The following PAM variants were observed in gnomAD, a reference collection of about 807,000 sequenced individuals.
The protein encoded by PAM is peptidylglycine alpha-amidating monooxygenase, also known as peptidyl-glycine alpha-amidating monooxygenase.
In PAM, 72 loss-of-function variants were observed where a neutral mutation model predicts 122.1. The observed-to-expected ratio is 0.59, with a 90% CI of 0.49 to 0.72. PAM has a LOEUF of 0.72. Ranked by LOEUF, PAM falls within the 30% of genes least tolerant of loss-of-function variation. The pLI, the probability that PAM is intolerant of heterozygous loss-of-function variation, is 0.00. For missense variants in PAM, 1,106 were observed against 1,183.7 expected (o/e 0.93, Z 0.96); for synonymous variants, 389 against 404.4 (o/e 0.96, Z 0.46).
intron 14 of PAM, among the ~76,000 whole-genome samples, chr5:102,970,086 T>C (rs1194794492): frequency 6.6e-6 from 1 of 152,046 alleles, no homozygotes; most frequent in African/African-American, 2.4e-5. Context: ...TCTATTAGCA[T>C]TGGCAATTAG....
chr5:102,969,656 A>T (rs1765235236), intron 14 of PAM, among the ~76,000 whole-genome samples: 2 of 152,236 alleles, frequency 1.3e-5, no homozygotes, highest in African/African-American at 4.8e-5. Context: ...AAAAAGTGTC[A>T]TCACTAAGAG....
chr5:103,007,700 C>A, intron 20 of PAM, 43 bp downstream of exon 20: 2 of 1,234,820 alleles, frequency 1.6e-6, no homozygotes. Flanking sequence ...TCCTACTGTA[C>A]TCTATCCTTA....
intron 15 of PAM, among the ~76,000 whole-genome samples, chr5:102,981,540 A>C (rs538622170): frequency 2.7e-5 from 4 of 150,532 alleles, no homozygotes; most frequent in Non-Finnish European, 5.9e-5. Context: ...TAGAGACTAA[A>C]ACATAGACTT....
intron 1 of PAM, among the ~76,000 whole-genome samples, chr5:102,816,781 C>A (rs1336215999): frequency 6.6e-6 from 1 of 152,120 alleles, no homozygotes; most frequent in Non-Finnish European, 1.5e-5. Context: ...AAAACTCACT[C>A]TCTTCATGAT....
chr5:102,924,441 A>AC (rs1411133340), intron 5 of PAM, among the ~76,000 whole-genome samples: 1 of 151,832 alleles, frequency 6.6e-6, no homozygotes, highest in African/African-American at 2.4e-5. Context: ...CTCAAAAAAA[A>AC]AAAAAAAAAA....
chr5:102,797,887 T>A (rs898722258), intron 1 of PAM, among the ~76,000 whole-genome samples: 6 of 152,198 alleles, frequency 3.9e-5, no homozygotes, highest in African/African-American at 1.4e-4. Context: ...CCTACTCACT[T>A]TTCTCTTTAG....
chr5:102,784,119 T>C (rs1282363480), intron 1 of PAM, among the ~76,000 whole-genome samples: 1 of 151,954 alleles, frequency 6.6e-6, no homozygotes, highest in Non-Finnish European at 1.5e-5. Context: ...GTTCTCGATC[T>C]CCTGACCTTG....
intron 7 of PAM, among the ~76,000 whole-genome samples, chr5:102,943,113 T>C (rs188360915): frequency 1.3e-5 from 2 of 152,280 alleles, no homozygotes; most frequent in East Asian, 3.9e-4. Flanking sequence ...ACGTAGTTTA[T>C]AACAATACAT....
chr5:102,976,037 G>A (rs752076111), intron 15 of PAM, among the ~76,000 whole-genome samples: 1 of 152,054 alleles, frequency 6.6e-6, no homozygotes, highest in South Asian at 2.1e-4. Context: ...TTTCCAAAGT[G>A]GTCAAATGGT....
chr5:102,917,383 C>A (rs188583314), intron 5 of PAM, among the ~76,000 whole-genome samples: 2 of 152,290 alleles, frequency 1.3e-5, no homozygotes, highest in East Asian at 3.9e-4. Context: ...TTCAATTATT[C>A]TAAGACATAG....
chr5:102,871,081 A>G (rs1034397986), intron 3 of PAM, among the ~76,000 whole-genome samples: 2 of 152,358 alleles, frequency 1.3e-5, no homozygotes, highest in Non-Finnish European at 2.9e-5. Context: ...ATCTAACTCA[A>G]ATCCAGGGGT....
intron 18 of PAM, among the ~76,000 whole-genome samples, chr5:103,006,111 AT>A (rs1177289677): frequency 6.6e-6 from 1 of 151,872 alleles, no homozygotes; most frequent in African/African-American, 2.4e-5. Flanking sequence ...ATTTTTTTAA[AT>A]TTTTTGTAGA....
chr5:102,990,341 C>A lies in PAM; in HGVS notation c.1553C>A (p.Ala518Asp). The change falls in exon 16 of 26, where the codon GCT becomes GAT. Residue 518 changes from alanine to aspartate, a missense_variant. By Grantham distance (126) the Ala-to-Asp change is moderately radical. This residue lies in a region of PAM where 670 missense variants were observed against 690.3 expected (regional missense o/e 0.97). Coordinates refer to ENST00000438793, the MANE Select transcript of PAM (RefSeq NM_001177306.2). ...YLLPGQVSGV[A>D]LDPKNNLVIF... ...TTACCAGGCCAGGTTTCTGGGGTGGCTCTAGACCCTAAGAATAACCTGGTG... is the reference window on the plus strand; with the variant it reads ...TTACCAGGCCAGGTTTCTGGGGTGGATCTAGACCCTAAGAATAACCTGGTG... The A allele has an allele frequency of 6.2e-7, 1 of 1,609,566 alleles. No homozygotes were observed. The highest frequency in any genetic ancestry group is 8.5e-7 in the Non-Finnish European group (1 of 1,176,834).
intron 4 of PAM, among the ~76,000 whole-genome samples, chr5:102,905,440 T>C (rs1241068411): frequency 2.6e-5 from 4 of 151,762 alleles, no homozygotes; most frequent in Non-Finnish European, 5.9e-5. Context: ...TTCTTGGGCT[T>C]CTCTCTTGAA....
At chr5:102,903,558 T>A (rs536842634) in intron 4 of PAM, among the ~76,000 whole-genome samples, 39 of 151,650 alleles carry the variant, frequency 2.6e-4, no homozygotes, top group African/African-American at 8.7e-4. Context: ...ATAGTTTGTA[T>A]GGAATTCTCA....
intron 1 of PAM, among the ~76,000 whole-genome samples, chr5:102,823,970 T>A (rs1390268536): frequency 6.6e-6 from 1 of 152,208 alleles, no homozygotes; most frequent in Non-Finnish European, 1.5e-5. Context: ...TGTAATCTTT[T>A]CTTTGTATGT....
chr5:102,867,487 T>A, intron 3 of PAM, 94 bp downstream of exon 3: 1 of 824,244 alleles, frequency 1.2e-6, no homozygotes, highest in Non-Finnish European at 1.9e-6. Context: ...GGAACTTCTT[T>A]AAACGTAGGC....
chr5:102,894,214 C>G (rs1795534518), intron 3 of PAM, among the ~76,000 whole-genome samples: 1 of 151,552 alleles, frequency 6.6e-6, no homozygotes, highest in Non-Finnish European at 1.5e-5. Context: ...CACAGGGTCT[C>G]AGTCCTTCTA....
chr5:103,026,975 G>A (rs766228991), intron 24 of PAM, among the ~76,000 whole-genome samples: 3 of 152,144 alleles, frequency 2.0e-5, no homozygotes, highest in Non-Finnish European at 4.4e-5. Flanking sequence ...GACTTTACAG[G>A]AATGTGTTAG....
Sources: allele counts gnomAD v4.1 joint callset (sites outside exome capture counted in the v4.1 genomes callset), GRCh38; gene constraint gnomAD v4.1.1; regional missense constraint gnomAD v4.1.1; transcripts MANE v1.5; gene names NCBI Gene and HGNC (gene_info 2026-07-23, HGNC 2026-07-21).